The following KCNQ5 variants were observed in gnomAD, a reference collection of about 807,000 sequenced individuals.
The protein encoded by KCNQ5 is potassium voltage-gated channel subfamily KQT member 5.
A neutral mutation model predicts 98.2 loss-of-function variants in KCNQ5; 30 were observed. The ratio of observed to expected loss-of-function variants is 0.31; its 90% CI spans 0.23 to 0.41. The LOEUF (loss-of-function observed/expected upper bound fraction) is 0.41, where lower values mean the gene tolerates loss of function less well. Ranked by LOEUF, KCNQ5 falls within the 10% of genes least tolerant of loss-of-function variation. The pLI, the probability that KCNQ5 is intolerant of heterozygous loss-of-function variation, is 1.00. For synonymous variants in KCNQ5, 458 were observed against 449.4 expected, an observed-to-expected ratio of 1.02 and a Z score of -0.24; for missense variants, 835 against 1,182.5, an observed-to-expected ratio of 0.71 and a Z score of 4.31.
Position 73,192,690 on chromosome 6 carries a change from A to G in KCNQ5, c.1835A>G (p.Gln612Arg). The G allele has an allele frequency of 6.3e-7, 1 of 1,584,234 alleles. No individual in the cohort carries two copies. The change falls in exon 13 of 14, where the codon CAG (glutamine) becomes CGG (arginine). Residue 612 changes from glutamine (Q) to arginine (R), a missense_variant and splice_region_variant. Around this residue, in one of 10 missense-constraint regions of KCNQ5, gnomAD observed 416 missense variants for 446.9 expected, o/e 0.93. Transcript: ENST00000370398. ...GGTCGGGTGGTCAAGGTTGAAAAAC[A>G]GGTACAACTCAACTACGCTGGGTAT... ...MLGRVVKVEK[Q>R]VQSIESKLDC...
At chr6:73,051,705 C>CAAAAAAAAAAA (rs201199934) in intron 3 of KCNQ5, among the ~76,000 whole-genome samples, 13 of 97,166 alleles carry the variant, frequency 1.3e-4, no homozygotes, top group African/African-American at 5.4e-4. Context: ...AAGATAGAGG[C>CAAAAAAAAAAA]AAAAAAAAAA....
chr6:73,009,926 A>T (rs531201004), intron 2 of KCNQ5, among the ~76,000 whole-genome samples: 27 of 152,302 alleles, frequency 1.8e-4, no homozygotes, highest in African/African-American at 6.0e-4. Context: ...TGATGGCTTC[A>T]CTAGTGAATT....
chr6:72,840,355 C>T (rs1776735367), intron 1 of KCNQ5, among the ~76,000 whole-genome samples: 1 of 152,154 alleles, frequency 6.6e-6, no homozygotes. Context: ...CATAATGCTT[C>T]TATTGTGTCC....
At chr6:72,877,672 A>C (rs1778470945) in intron 1 of KCNQ5, among the ~76,000 whole-genome samples, 1 of 152,002 alleles carries the variant, frequency 6.6e-6, no homozygotes. Context: ...ACTAATTTAC[A>C]CTCCCACCAA....
chr6:72,718,439 T>C (rs1247728796), intron 1 of KCNQ5, among the ~76,000 whole-genome samples: 2 of 147,578 alleles, frequency 1.4e-5, no homozygotes, highest in African/African-American at 5.0e-5. Flanking sequence ...ATTCTTCCTT[T>C]CTGCTCTTTT....
At chr6:72,807,265 A>G (rs1248137315) in intron 1 of KCNQ5, among the ~76,000 whole-genome samples, 1 of 152,182 alleles carries the variant, frequency 6.6e-6, no homozygotes, top group East Asian at 1.9e-4. Context: ...GTAAATACTC[A>G]ATAAATTTTT....
intron 1 of KCNQ5, among the ~76,000 whole-genome samples, chr6:72,831,743 A>T (rs1021006424): frequency 1.4e-4 from 21 of 145,220 alleles, no homozygotes; most frequent in South Asian, 9.8e-4. Flanking sequence ...AAAAAAAATA[A>T]AATAAAATTA....
At chr6:73,109,876 T>C (rs1185925846) in intron 6 of KCNQ5, among the ~76,000 whole-genome samples, 1 of 152,210 alleles carries the variant, frequency 6.6e-6, no homozygotes, top group East Asian at 1.9e-4. Context: ...AATAGTATTA[T>C]CAGACCACTG....
rs571964591 is a variant in KCNQ5 at position 72,829,947 on chromosome 6, A to C, written c.399-173961A>C. Among the ~76,000 whole-genome samples, 4 of 152,226 alleles carry C rather than the reference A, an allele frequency of 2.6e-5. No individual in the cohort carries two copies. In the South Asian group the frequency reaches 8.3e-4, roughly 32 times the overall value. On this transcript the variant is annotated intron_variant, in intron 1 of 13. Transcript: ENST00000370398. ...AGAGAGCCACACCAATAACAGACAA[A>C]CAGAGAGCCAAATCATGAGTGAATT...
chr6:73,185,014 T>C (rs901296754), intron 11 of KCNQ5, among the ~76,000 whole-genome samples: 1 of 152,172 alleles, frequency 6.6e-6, no homozygotes, highest in Admixed American at 6.5e-5. Context: ...AGTTTTGGGA[T>C]ATGAAGAGTA....
chr6:72,662,929 G>A (rs1766603609), intron 1 of KCNQ5, among the ~76,000 whole-genome samples: 1 of 152,102 alleles, frequency 6.6e-6, no homozygotes, highest in African/African-American at 2.4e-5. Context: ...AGTGTATGTT[G>A]CTCTTTTAAA....
intron 1 of KCNQ5, among the ~76,000 whole-genome samples, chr6:72,785,650 CA>C (rs68046119): frequency 0.76 from 107,160 of 141,514 alleles, 40,620 homozygotes; most frequent in African/African-American, 0.93. Flanking sequence ...AACTCCATCT[CA>C]AAAAAAAAAA....
intron 1 of KCNQ5, among the ~76,000 whole-genome samples, chr6:72,633,837 G>C (rs1198152976): frequency 6.6e-6 from 1 of 152,208 alleles, no homozygotes; most frequent in African/African-American, 2.4e-5. Context: ...GCCATATGCA[G>C]AAGAATTAAA....
chr6:72,894,738 A>G (rs12211841), intron 1 of KCNQ5, among the ~76,000 whole-genome samples: 40,613 of 152,044 alleles, frequency 0.27, 5,758 homozygotes, highest in East Asian at 0.48. Flanking sequence ...GAGGCTAAAT[A>G]AGAAAATTTG....
At chr6:72,918,169 G>A (rs1020959368) in intron 1 of KCNQ5, among the ~76,000 whole-genome samples, 3 of 152,060 alleles carry the variant, frequency 2.0e-5, no homozygotes, top group African/African-American at 4.8e-5. Context: ...CCATAAAAAC[G>A]TGGCCTCTTG....
chr6:72,920,444 G>A (rs1205090602), intron 1 of KCNQ5, among the ~76,000 whole-genome samples: 1 of 152,116 alleles, frequency 6.6e-6, no homozygotes, highest in African/African-American at 2.4e-5. Context: ...CAGAGTGTTG[G>A]AATACGCATC....
At chr6:72,773,531 C>T (rs550562114) in intron 1 of KCNQ5, among the ~76,000 whole-genome samples, 116 of 152,130 alleles carry the variant, frequency 7.6e-4, no homozygotes, top group African/African-American at 2.8e-3. Flanking sequence ...CAGCAAACCA[C>T]CATGGCATGT....
intron 1 of KCNQ5, among the ~76,000 whole-genome samples, chr6:72,686,790 A>C (rs1767980240): frequency 6.6e-6 from 1 of 150,990 alleles, no homozygotes; most frequent in Non-Finnish European, 1.5e-5. Flanking sequence ...TTATGAGATA[A>C]GAATCCAATA....
chr6:72,914,525 C>A (rs1288496332), intron 1 of KCNQ5, among the ~76,000 whole-genome samples: 1 of 148,450 alleles, frequency 6.7e-6, no homozygotes, highest in African/African-American at 2.5e-5. Flanking sequence ...GGACTGGTCT[C>A]ATGCTTCAAG....
Sources: allele counts gnomAD v4.1 joint callset (sites outside exome capture counted in the v4.1 genomes callset), GRCh38; gene constraint gnomAD v4.1.1; regional missense constraint gnomAD v4.1.1; transcripts MANE v1.5; gene names NCBI Gene and HGNC (gene_info 2026-07-23, HGNC 2026-07-21).